The following PCDHGA9 variants were observed in gnomAD, a reference collection of about 807,000 sequenced individuals.
PCDHGA9 encodes the protein protocadherin gamma subfamily A, 9, also known as protocadherin gamma-A9.
In PCDHGA9, 37 loss-of-function variants were observed where a neutral mutation model predicts 62.5. That is an observed-to-expected ratio of 0.59 (90% CI 0.46 to 0.78). PCDHGA9 has a LOEUF of 0.78. Ranked by LOEUF, PCDHGA9 falls within the 30% of genes least tolerant of loss-of-function variation. The pLI, the probability that PCDHGA9 is intolerant of heterozygous loss-of-function variation, is 0.00. For synonymous variants in PCDHGA9, 459 were observed against 484.6 expected (o/e 0.95, Z 0.69); for missense variants, 1,138 against 1,166.2 (o/e 0.98, Z 0.35).
chr5:141,470,037 G>A lies in PCDHGA9; in HGVS notation c.2425-24770G>A, dbSNP rs76537989. Among the ~76,000 whole-genome samples the A allele has an allele frequency of 2.3e-3, 347 of 152,258 alleles. 6 individuals are homozygous for A. The East Asian group carries it at 0.048, about 21-fold the overall frequency. On this transcript the variant is annotated intron_variant, in intron 1 of 3. Transcript: ENST00000573521. ...CCAGCTACTCGGGATGCTGAGGCGC[G>A]AGAACTGTTTGAACCCCGGAGGCAG...
At chr5:141,415,740 G>GTTTTTTTTTTTTTTTTTTGTTTTTTTTT in intron 1 of PCDHGA9, 1 of 617,992 alleles carries the variant, frequency 1.6e-6, no homozygotes, top group Non-Finnish European at 2.1e-6. Flanking sequence ...GTTTATTAAG[G>GTTTTTTTTTTTTTTTTTTGTTTTTTTTT]TTTTTTTTTT....
At chr5:141,472,455 G>A (rs191633108) in intron 1 of PCDHGA9, among the ~76,000 whole-genome samples, 2 of 151,972 alleles carry the variant, frequency 1.3e-5, no homozygotes, top group South Asian at 2.1e-4. Context: ...CAGGAGAATC[G>A]CTTGAACCCA....
At position 141,486,761 on chromosome 5, in the gene PCDHGA9, A is replaced by G. The variant is rs1368106682; in HGVS notation, c.2425-8046A>G. 1 of 1,614,114 alleles carries G rather than the reference A, an allele frequency of 6.2e-7. No homozygotes were observed. The highest frequency in any genetic ancestry group is 8.5e-7 in the Non-Finnish European group (1 of 1,180,056). ...ATCCTTTGACTATGAGCAAACCCAG[A>G]CACTGCAGTTTGAGGTGCAGGCCCG... On this transcript the variant is annotated intron_variant, in intron 1 of 3. Transcript: ENST00000573521. The surrounding 1 kb of genome is among the most constrained non-coding windows in gnomAD (Gnocchi z 5.0).
At chr5:141,436,668 C>CA (rs1159051861) in intron 1 of PCDHGA9, among the ~76,000 whole-genome samples, 1 of 151,748 alleles carries the variant, frequency 6.6e-6, no homozygotes, top group South Asian at 2.1e-4. Flanking sequence ...AGTGGTTGAC[C>CA]AAAAAAAGGA....
intron 1 of PCDHGA9, among the ~76,000 whole-genome samples, chr5:141,450,812 T>A (rs2098694727): frequency 7.5e-6 from 1 of 133,924 alleles, no homozygotes; most frequent in Admixed American, 7.4e-5. Context: ...ATTTATTTAT[T>A]TAATATTATT....
Position 141,476,220 on chromosome 5 carries a change from A to G in PCDHGA9, c.2425-18587A>G, listed in dbSNP as rs770978000. On this transcript the variant is annotated intron_variant, in intron 1 of 3. Coordinates refer to ENST00000573521, the MANE Select transcript of PCDHGA9 (RefSeq NM_018921.3). This position sits in a 1 kb window ranked among gnomAD's most constrained non-coding sequence, Gnocchi z 7.6. Reference sequence around the variant, plus strand: ...AACAAGGCTTCCACGGTCATTCACTATGAGATCCCGGAGGAAAGAGAGAAG... The same window carrying G: ...AACAAGGCTTCCACGGTCATTCACTGTGAGATCCCGGAGGAAAGAGAGAAG... 44 of 1,613,884 alleles carry G rather than the reference A, an allele frequency of 2.7e-5. No individual in the cohort carries two copies. The highest frequency in any genetic ancestry group is 3.4e-5 in the Non-Finnish European group (40 of 1,180,004).
chr5:141,420,018 G>T, intron 1 of PCDHGA9: 2 of 1,614,066 alleles, frequency 1.2e-6, no homozygotes, highest in African/African-American at 2.7e-5. Flanking sequence ...CAGTCTTTCA[G>T]CCCTACTGCA....
intron 1 of PCDHGA9, chr5:141,478,312 C>T (rs768312280): frequency 8.1e-6 from 13 of 1,614,002 alleles, no homozygotes; most frequent in East Asian, 2.2e-5. Flanking sequence ...CCCCGGTGAG[C>T]TCACTGTACC....
chr5:141,495,028 G>C, intron 2 of PCDHGA9, 163 bp downstream of exon 2: 3 of 966,196 alleles, frequency 3.1e-6, no homozygotes, highest in Non-Finnish European at 3.7e-6. Flanking sequence ...CACAGACCCC[G>C]GAAGGAAGAG....
chr5:141,478,428 C>T (rs2154576655), intron 1 of PCDHGA9: 1 of 1,613,746 alleles, frequency 6.2e-7, no homozygotes, highest in Non-Finnish European at 8.5e-7. Flanking sequence ...CGCAGCGACC[C>T]GCTGCTGAAG....
intron 1 of PCDHGA9, among the ~76,000 whole-genome samples, chr5:141,429,706 T>G (rs191069331): frequency 7.6e-4 from 116 of 152,354 alleles, no homozygotes; most frequent in African/African-American, 2.5e-3. Flanking sequence ...ACAGTATAAA[T>G]ATTTACGCTC....
chr5:141,414,173 C>A, intron 1 of PCDHGA9: 1 of 1,606,526 alleles, frequency 6.2e-7, no homozygotes. Context: ...GCATATCTTG[C>A]AACTGCAAAA....
intron 1 of PCDHGA9, chr5:141,429,110 T>A (rs2097186231): frequency 6.6e-6 from 1 of 151,978 alleles, no homozygotes; most frequent in Non-Finnish European, 1.5e-5. Context: ...CGCCTCGGCC[T>A]CCCAAAGTGC....
intron 1 of PCDHGA9, among the ~76,000 whole-genome samples, chr5:141,439,599 G>A (rs1319524199): frequency 6.6e-6 from 1 of 152,146 alleles, no homozygotes; most frequent in Non-Finnish European, 1.5e-5. Flanking sequence ...TGGCCAGTCT[G>A]GAAACAGAGA....
rs769514553 is a variant in PCDHGA9, at chr5:141,490,072, G to T, written c.2425-4735G>T. On this transcript the variant is annotated intron_variant, in intron 1 of 3. Transcript: ENST00000573521. The surrounding 1 kb of genome is among the most constrained non-coding windows in gnomAD (Gnocchi z 5.4). Reference sequence around the variant, plus strand: ...AGACGAGGGCACCAACGGCCAACTAGACTATTCTTTTGGAGACCACACATC... The same window carrying T: ...AGACGAGGGCACCAACGGCCAACTATACTATTCTTTTGGAGACCACACATC... 2 of 1,614,254 alleles carry T rather than the reference G, an allele frequency of 1.2e-6. No homozygotes were observed. Among genetic ancestry groups the T allele is most frequent in the South Asian group, 2.2e-5 (2 of 91,090 alleles).
At chr5:141,500,866 A>G (rs576713520) in intron 2 of PCDHGA9, among the ~76,000 whole-genome samples, 19 of 146,112 alleles carry the variant, frequency 1.3e-4, no homozygotes, top group South Asian at 4.3e-4. Context: ...AAACATACAC[A>G]TTCATTTACA....
At chr5:141,451,151 A>AT (rs1324071351) in intron 1 of PCDHGA9, among the ~76,000 whole-genome samples, 2 of 152,190 alleles carry the variant, frequency 1.3e-5, no homozygotes, top group Admixed American at 6.5e-5. Context: ...TAGACTAGAC[A>AT]TTTTTTTGGT....
chr5:141,415,387 G>A (rs1347191224), intron 1 of PCDHGA9: 2 of 1,614,168 alleles, frequency 1.2e-6, no homozygotes. Context: ...CGGCTTGACA[G>A]GTGTGTCCGG....
Position 141,490,652 on chromosome 5 carries a change from C to T in PCDHGA9, c.2425-4155C>T, listed in dbSNP as rs1277273880. The T allele has an allele frequency of 1.2e-6, 2 of 1,614,208 alleles. No individual in the cohort carries two copies. The highest frequency in any genetic ancestry group is 1.7e-6 in the Non-Finnish European group (2 of 1,180,026). On this transcript the variant is annotated intron_variant, in intron 1 of 3. Coordinates refer to ENST00000573521, the MANE Select transcript of PCDHGA9 (RefSeq NM_018921.3). The surrounding 1 kb of genome is among the most constrained non-coding windows in gnomAD (Gnocchi z 5.4). ...ATCCTAGAAAACCGGCCTCCGGGCT[C>T]CCTTCTTTGCACTGTGGCTGCCTCA...
Sources: allele counts gnomAD v4.1 joint callset (sites outside exome capture counted in the v4.1 genomes callset), GRCh38; gene constraint gnomAD v4.1.1; non-coding constraint Gnocchi (gnomAD v3.1); transcripts MANE v1.5; gene names NCBI Gene and HGNC (gene_info 2026-07-23, HGNC 2026-07-21).